Variants in TFCP2 observed in about 807,000 individuals in gnomAD.
TFCP2 encodes transcription factor CP2, also known as alpha-globin transcription factor CP2.
A neutral mutation model predicts 73.4 loss-of-function variants in TFCP2; 33 were observed. The ratio of observed to expected loss-of-function variants is 0.45; its 90% CI spans 0.34 to 0.60. The LOEUF (loss-of-function observed/expected upper bound fraction) is 0.60. Among genes scored for constraint, TFCP2 ranks in the 20% least tolerant of loss-of-function variants. The pLI is 0.01. For missense variants in TFCP2, 352 were observed against 604.0 expected (o/e 0.58, Z 4.37); for synonymous variants, 193 against 211.6 (o/e 0.91, Z 0.76).
chr12:51,110,839 T>C, intron 5 of TFCP2, 38 bp downstream of exon 5: 1 of 1,347,966 alleles, frequency 7.4e-7, no homozygotes, highest in African/African-American at 1.4e-5. Flanking sequence ...GTAAGAGAGA[T>C]ACTCTTCAAA....
chr12:51,145,787 CA>C (rs1466864963), intron 1 of TFCP2, among the ~76,000 whole-genome samples: 2 of 151,038 alleles, frequency 1.3e-5, no homozygotes, highest in African/African-American at 4.9e-5. Context: ...CCCGTCTCCA[CA>C]AAAAATACAA....
chr12:51,103,232 G>A (rs137983915), intron 10 of TFCP2, among the ~76,000 whole-genome samples: 15 of 151,264 alleles, frequency 9.9e-5, no homozygotes, highest in Admixed American at 8.6e-4. Flanking sequence ...GCAGTGAGCC[G>A]AGATCATGCA....
chr12:51,100,952 A>G (rs1940096396), intron 11 of TFCP2, among the ~76,000 whole-genome samples: 1 of 152,244 alleles, frequency 6.6e-6, no homozygotes, highest in East Asian at 1.9e-4. Flanking sequence ...TTAAAATTGT[A>G]AATCCCAAAA....
chr12:51,152,588 GC>G (rs1168030873), intron 1 of TFCP2, among the ~76,000 whole-genome samples: 1 of 152,146 alleles, frequency 6.6e-6, no homozygotes, highest in African/African-American at 2.4e-5. Flanking sequence ...GGTGTTTGGG[GC>G]GCCACATCTG....
chr12:51,108,564 G>A (rs139380498), intron 6 of TFCP2, among the ~76,000 whole-genome samples: 9 of 151,802 alleles, frequency 5.9e-5, no homozygotes, highest in African/African-American at 9.7e-5. Context: ...ACTTAAGCCC[G>A]GGAGTTCAAG....
chr12:51,142,257 A>G (rs1941212163), intron 1 of TFCP2, among the ~76,000 whole-genome samples: 1 of 151,342 alleles, frequency 6.6e-6, no homozygotes, highest in Non-Finnish European at 1.5e-5. Context: ...CTTGGCAAAC[A>G]TGATTGGGAT....
intron 1 of TFCP2, among the ~76,000 whole-genome samples, chr12:51,147,389 C>T (rs1472915339): frequency 1.3e-5 from 2 of 152,002 alleles, no homozygotes; most frequent in African/African-American, 2.4e-5. Flanking sequence ...GAAAGGAAAA[C>T]TGGAACACCA....
chr12:51,130,876 A>T (rs947989751), intron 1 of TFCP2, among the ~76,000 whole-genome samples: 12 of 151,482 alleles, frequency 7.9e-5, no homozygotes, highest in African/African-American at 2.9e-4. Flanking sequence ...AATCCCAGCT[A>T]CTCGAGAGGC....
At chr12:51,112,607 C>T (rs181940355) in intron 4 of TFCP2, among the ~76,000 whole-genome samples, 61 of 152,250 alleles carry the variant, frequency 4.0e-4, no homozygotes, top group Admixed American at 4.0e-3. Flanking sequence ...TGGCTCACGC[C>T]TGCAATCCCA....
At position 51,128,498 on chromosome 12, in the gene TFCP2, A is replaced by AAAAC. The variant is rs1566214548; in HGVS notation, c.123-9730_123-9727dup. 2.1e-4 allele frequency among the ~76,000 whole-genome samples: 32 copies of AAAAC among 149,092 alleles called. 1 individual carries two copies. The highest frequency in any genetic ancestry group is 3.9e-4 in the East Asian group (2 of 5,078). ...AATAATAAAAAAAAAAAAAACAAAAAAAACAAACTAGTATTGGGAACATCT... is the reference window on the plus strand; with the variant it reads ...AATAATAAAAAAAAAAAAAACAAAAAAAACAAACAAACTAGTATTGGGAACATCT... On this transcript the variant is annotated intron_variant, in intron 1 of 14. Transcript: ENST00000257915.
At chr12:51,136,366 T>C (rs1004873917) in intron 1 of TFCP2, among the ~76,000 whole-genome samples, 4 of 151,572 alleles carry the variant, frequency 2.6e-5, no homozygotes, top group Non-Finnish European at 5.9e-5. Context: ...CACTGTCATC[T>C]AAATTTCTAT....
chr12:51,108,666 G>A (rs2136971098), intron 6 of TFCP2, among the ~76,000 whole-genome samples: 1 of 152,064 alleles, frequency 6.6e-6, no homozygotes, highest in Middle Eastern at 3.4e-3. Flanking sequence ...CCCACTTACT[G>A]GGGAAGCTGA....
intron 8 of TFCP2, among the ~76,000 whole-genome samples, chr12:51,105,419 T>C (rs185640932): frequency 6.6e-6 from 1 of 152,294 alleles, no homozygotes; most frequent in Non-Finnish European, 1.5e-5. Flanking sequence ...TCTTTGTCTA[T>C]GAATTGTCCC....
chr12:51,167,744 A>T (rs1475042116), intron 1 of TFCP2, among the ~76,000 whole-genome samples: 1 of 152,102 alleles, frequency 6.6e-6, no homozygotes, highest in Non-Finnish European at 1.5e-5. Context: ...AGGGTGGCAC[A>T]CTAAGATCCA....
intron 8 of TFCP2, among the ~76,000 whole-genome samples, chr12:51,104,537 A>G (rs931892892): frequency 1.2e-4 from 19 of 152,104 alleles, no homozygotes; most frequent in African/African-American, 4.6e-4. Flanking sequence ...AAAAATTATG[A>G]AAGAATAATT....
intron 1 of TFCP2, among the ~76,000 whole-genome samples, chr12:51,131,626 C>G (rs550406107): frequency 2.0e-5 from 3 of 152,214 alleles, no homozygotes; most frequent in African/African-American, 7.2e-5. Flanking sequence ...TATGAACAAG[C>G]TGAGTAAAAT....
At chr12:51,110,129 T>C (rs1463774731) in intron 5 of TFCP2, among the ~76,000 whole-genome samples, 1 of 152,208 alleles carries the variant, frequency 6.6e-6, no homozygotes, top group Admixed American at 6.5e-5. Flanking sequence ...GACTATTTCA[T>C]GTGAAGTATT....
intron 1 of TFCP2, among the ~76,000 whole-genome samples, chr12:51,132,355 G>GTTT (rs1276335598): frequency 2.3e-4 from 5 of 21,460 alleles, no homozygotes; most frequent in Admixed American, 6.8e-4. Flanking sequence ...TTAGGGATTA[G>GTTT]TCTTTTTTTT....
intron 1 of TFCP2, chr12:51,124,576 G>T: frequency 4.0e-6 from 2 of 494,134 alleles, no homozygotes; most frequent in Non-Finnish European, 7.9e-6. Flanking sequence ...TGCAGGCAGG[G>T]TGGGCCCTCA....
Sources: allele counts gnomAD v4.1 joint callset (sites outside exome capture counted in the v4.1 genomes callset), GRCh38; gene constraint gnomAD v4.1.1; transcripts MANE v1.5; gene names NCBI Gene and HGNC (gene_info 2026-07-23, HGNC 2026-07-21).